Variants in TPM2 observed in about 807,000 individuals in gnomAD.
TPM2 encodes the protein tropomyosin beta chain.
Under a neutral mutation model 41.0 loss-of-function variants are expected in TPM2, and 26 were observed. The ratio of observed to expected loss-of-function variants is 0.63; its 90% CI spans 0.46 to 0.88. The LOEUF (loss-of-function observed/expected upper bound fraction) is 0.88. TPM2 is among the 40% of genes least tolerant of loss of function. The probability of loss-of-function intolerance (pLI) is 0.00; values close to 1 mark genes in which losing one functional copy is unlikely to be tolerated. For synonymous variants in TPM2, 143 were observed against 139.3 expected, an observed-to-expected ratio of 1.03 and a Z score of -0.19; for missense variants, 187 against 355.2, an observed-to-expected ratio of 0.53 and a Z score of 3.81.
intron 2 of TPM2, among the ~76,000 whole-genome samples, chr9:35,687,256 CTT>C (rs1028123446): frequency 6.7e-6 from 1 of 149,246 alleles, no homozygotes; most frequent in African/African-American, 2.5e-5. Flanking sequence ...GGAATCTTCT[CTT>C]TTTTTTTTAA....
downstream of TPM2, chr9:35,682,757 A>C (rs1271619516): frequency 4.6e-6 from 6 of 1,318,260 alleles, no homozygotes; most frequent in African/African-American, 1.6e-5. Flanking sequence ...TGAATCAGAG[A>C]GCGACAGCCA....
intron 6 of TPM2, 26 bp downstream of exon 6, chr9:35,684,706 C>T (rs1480991379): frequency 1.9e-6 from 3 of 1,614,070 alleles, no homozygotes; most frequent in Non-Finnish European, 1.7e-6. Flanking sequence ...GGACCCCATC[C>T]TCACTGCCCC....
chr9:35,689,928 G>C (rs1825163567), upstream of TPM2: 1 of 1,591,842 alleles, frequency 6.3e-7, no homozygotes, highest in African/African-American at 1.3e-5. Flanking sequence ...GCGGGACTGG[G>C]ACGTCCCGGC....
intron 8 of TPM2, 190 bp downstream of exon 8, chr9:35,684,056 A>G: frequency 1.6e-6 from 1 of 637,212 alleles, no homozygotes; most frequent in East Asian, 2.8e-5. Flanking sequence ...TTTGAGAAGC[A>G]CTGGAGTTGT....
intron 2 of TPM2, among the ~76,000 whole-genome samples, chr9:35,686,143 G>A (rs1824896452): frequency 6.6e-6 from 1 of 151,910 alleles, no homozygotes; most frequent in Admixed American, 6.6e-5. Flanking sequence ...CCAGCTACTT[G>A]GGAGGCTGAG....
At chr9:35,686,653 A>AG (rs1385646481) in intron 2 of TPM2, among the ~76,000 whole-genome samples, 13 of 151,596 alleles carry the variant, frequency 8.6e-5, no homozygotes, top group Admixed American at 1.3e-4. Flanking sequence ...AAAAAAAAAA[A>AG]AAAGTATCAA....
chr9:35,689,979 C>A (rs1825167099), upstream of TPM2: 1 of 1,501,292 alleles, frequency 6.7e-7, no homozygotes. Context: ...CGGGCGGGGC[C>A]GGCAACCAGG....
At position 35,685,568 on chromosome 9, in the gene TPM2, G is replaced by A; in HGVS notation, c.375-17C>T. On this transcript the variant is annotated splice_polypyrimidine_tract_variant and intron_variant, in intron 3 of 8. Transcript: ENST00000645482. The surrounding 1 kb of genome is among the most constrained non-coding windows in gnomAD (Gnocchi z 5.0). ...TTCATTCCTCTGAAAGGCAGGGAGA[G>A]GGTGAGCGTAGGGTCAGGACCAGCA... The A allele has an allele frequency of 3.1e-6, 5 of 1,614,182 alleles. No individual in the cohort carries two copies. Among genetic ancestry groups the A allele is most frequent in the Non-Finnish European group, 2.5e-6 (3 of 1,180,024 alleles).
downstream of TPM2, chr9:35,682,631 C>G (rs893710866): frequency 6.1e-6 from 8 of 1,306,200 alleles, no homozygotes; most frequent in Middle Eastern, 3.0e-4. Context: ...CACCACCCTA[C>G]TTCCTTTCCA....
chr9:35,683,455 C>G (rs1824696503), intron 8 of TPM2, among the ~76,000 whole-genome samples: 1 of 152,156 alleles, frequency 6.6e-6, no homozygotes, highest in Admixed American at 6.5e-5. Flanking sequence ...TCTCTGTACC[C>G]CAAATTGGCT....
intron 1 of TPM2, 73 bp from the exon 2 acceptor site, chr9:35,689,344 G>A: frequency 6.3e-7 from 1 of 1,595,140 alleles, no homozygotes; most frequent in Non-Finnish European, 8.5e-7. Flanking sequence ...GGTGTGTGTA[G>A]GGGCGCTACT....
chr9:35,684,964 TCCC>T, intron 5 of TPM2, 157 bp from the exon 6 acceptor site: 1 of 1,612,392 alleles, frequency 6.2e-7, no homozygotes, highest in African/African-American at 1.3e-5. Context: ...CCCTTCCTGA[TCCC>T]CAGCAGCTGA....
chr9:35,689,905 CGAGGAGGACG>C lies in TPM2; in HGVS notation c.-98_-89del, dbSNP rs1205978336. 7 of 1,604,062 alleles carry C rather than the reference CGAGGAGGACG, an allele frequency of 4.4e-6. No individual in the cohort carries two copies. The highest frequency in any genetic ancestry group is 5.9e-6 in the Non-Finnish European group (7 of 1,177,312). On this transcript the variant is annotated 5_prime_UTR_variant, in exon 1 of 9. Coordinates refer to ENST00000645482, the MANE Select transcript of TPM2 (RefSeq NM_003289.4). The stretch of plus-strand genomic sequence containing the variant: ...GCGGACTGGGTGCACCGGTGGCAGG[CGAGGAGGACG>C]GAGCGGGACTGGGACGTCCCGGCCA...
chr9:35,684,816 G>C lies in TPM2; in HGVS notation c.564-9C>G. The C allele has an allele frequency of 6.4e-7, 1 of 1,558,568 alleles. No homozygotes were observed. The stretch of plus-strand genomic sequence containing the variant: ...CTAGGTCCCCACATTTACTGCAGGG[G>C]GTGTGTGGCGGGGGGGGCAGGGTGT... On this transcript the variant is annotated splice_polypyrimidine_tract_variant and intron_variant, in intron 5 of 8. Coordinates refer to ENST00000645482, the MANE Select transcript of TPM2 (RefSeq NM_003289.4).
In TPM2 at chr9:35,689,715, G is replaced by A. The variant is rs1273890796; in HGVS notation, c.103C>T (p.Arg35Cys). 6.2e-7 allele frequency: 1 copy of A among 1,613,560 alleles called. No homozygotes were observed. The highest frequency in any genetic ancestry group is 8.5e-7 in the Non-Finnish European group (1 of 1,179,730). Residue 35 changes from arginine (R) to cysteine (C), a missense_variant, in exon 1 of 9, where the codon CGC becomes TGC. Physicochemically the swap from Arg to Cys is radical, Grantham distance 180. Transcript: ENST00000645482. ...GGCCCGGCCCTAACCTGCTTGCAGC[G>A]GTCCTCAGCTTGCTTCTTGTCGGCT... ...AEADKKQAEDRCKQLEEEQQA... is the reference protein window; with the variant it reads ...AEADKKQAEDCCKQLEEEQQA...
chr9:35,682,141 C>A (rs2131843704), downstream of TPM2: 1 of 1,614,040 alleles, frequency 6.2e-7, no homozygotes, highest in East Asian at 2.2e-5. Flanking sequence ...CGACGTTCTC[C>A]TCCTTGGCAC....
intron 2 of TPM2, among the ~76,000 whole-genome samples, chr9:35,687,467 G>C (rs931294995): frequency 5.9e-5 from 9 of 151,262 alleles, no homozygotes; most frequent in Non-Finnish European, 1.0e-4. Context: ...GAAAGGAGGT[G>C]GGGGGAGGGG....
At chr9:35,689,971 G>A (rs1194142826), upstream of TPM2, 1 of 1,516,078 alleles carries the variant, frequency 6.6e-7, no homozygotes, top group Non-Finnish European at 8.8e-7. Flanking sequence ...GGAGGGACCG[G>A]GCGGGGCCGG....
At chr9:35,689,943 C>T, upstream of TPM2, 2 of 1,572,398 alleles carry the variant, frequency 1.3e-6, no homozygotes, top group Non-Finnish European at 1.7e-6. Flanking sequence ...CCCGGCCACG[C>T]GGGCGCCTAA....
Sources: allele counts gnomAD v4.1 joint callset (sites outside exome capture counted in the v4.1 genomes callset), GRCh38; gene constraint gnomAD v4.1.1; non-coding constraint Gnocchi (gnomAD v3.1); transcripts MANE v1.5; gene names NCBI Gene and HGNC (gene_info 2026-07-23, HGNC 2026-07-21).